Variants in PCM1 observed in about 807,000 individuals in gnomAD.
PCM1 encodes pericentriolar material 1 protein.
Under a neutral mutation model 241.9 loss-of-function variants are expected in PCM1, and 157 were observed. That is an observed-to-expected ratio of 0.65 (90% CI 0.57 to 0.74). The LOEUF is 0.74. Ranked by LOEUF, PCM1 falls within the 30% of genes least tolerant of loss-of-function variation. PCM1 has a pLI of 0.00. For missense variants in PCM1, 3,478 were observed against 2,360.1 expected (o/e 1.47, Z -9.81); for synonymous variants, 1,085 against 784.9 (o/e 1.38, Z -6.39).
chr8:17,932,251 A>G (rs2059252738), intron 2 of PCM1, among the ~76,000 whole-genome samples: 1 of 152,122 alleles, frequency 6.6e-6, no homozygotes, highest in South Asian at 2.1e-4. Flanking sequence ...CAACTTCATT[A>G]TAGTTCTTTC....
chr8:17,942,172 A>T (rs2062283194), intron 6 of PCM1, among the ~76,000 whole-genome samples: 1 of 152,090 alleles, frequency 6.6e-6, no homozygotes. Flanking sequence ...TTTGTTTCTG[A>T]TATTTGTGTT....
intron 2 of PCM1, among the ~76,000 whole-genome samples, chr8:17,933,139 C>T (rs1278328134): frequency 1.3e-5 from 2 of 152,170 alleles, no homozygotes; most frequent in African/African-American, 4.8e-5. Context: ...TGTTGTGAGG[C>T]TTTAATGACA....
intron 29 of PCM1, among the ~76,000 whole-genome samples, chr8:17,997,552 C>G (rs945631936): frequency 2.6e-5 from 4 of 151,042 alleles, no homozygotes; most frequent in African/African-American, 9.8e-5. Flanking sequence ...TTTCTTTTGT[C>G]TCCTCAAGTT....
chr8:18,014,681 T>G lies in PCM1; in HGVS notation c.5682T>G (p.Thr1894=). 1 of 1,613,886 alleles carries G rather than the reference T, an allele frequency of 6.2e-7. No homozygotes were observed. The highest frequency in any genetic ancestry group is 1.1e-5 in the South Asian group (1 of 91,080). Residue 1894 remains threonine (T), a synonymous_variant, in exon 36 of 39, where the codon ACT becomes ACG. Coordinates refer to ENST00000325083, the MANE Select transcript of PCM1 (RefSeq NM_006197.4). Reference sequence around the variant, plus strand: ...CTGCCCATAAGGAGTCACCTCCTACTGTTGATTCAACTCAACAGCCTAACC... The same window carrying G: ...CTGCCCATAAGGAGTCACCTCCTACGGTTGATTCAACTCAACAGCCTAACC... ...NSAAHKESPP[T]VDSTQQPNPL...
intron 9 of PCM1, among the ~76,000 whole-genome samples, chr8:17,953,788 C>G (rs1342264802): frequency 6.6e-6 from 1 of 152,110 alleles, no homozygotes; most frequent in Non-Finnish European, 1.5e-5. Flanking sequence ...GTCTTCAGTT[C>G]CTATCCTAAT....
intron 2 of PCM1, among the ~76,000 whole-genome samples, chr8:17,928,128 C>A (rs2057723096): frequency 6.6e-6 from 1 of 152,156 alleles, no homozygotes; most frequent in East Asian, 1.9e-4. Context: ...TGTTTTCCTA[C>A]AGTTTCAACT....
chr8:17,992,110 A>G (rs369699802), intron 28 of PCM1, among the ~76,000 whole-genome samples: 13 of 152,210 alleles, frequency 8.5e-5, no homozygotes, highest in East Asian at 5.8e-4. Context: ...CTACACATAT[A>G]TACATATACC....
At chr8:17,941,629 C>T (rs1259662741) in intron 6 of PCM1, among the ~76,000 whole-genome samples, 3 of 151,582 alleles carry the variant, frequency 2.0e-5, no homozygotes, top group Non-Finnish European at 2.9e-5. Context: ...ATTTAATATG[C>T]TACACTATTT....
At chr8:18,026,125 C>T (rs2094177766) in intron 38 of PCM1, among the ~76,000 whole-genome samples, 1 of 107,424 alleles carries the variant, frequency 9.3e-6, no homozygotes, top group Admixed American at 1.5e-4. Context: ...GATAGCGCCA[C>T]TGCACTCCGG....
chr8:17,987,746 G>T (rs1478246003), intron 26 of PCM1, among the ~76,000 whole-genome samples: 2 of 151,856 alleles, frequency 1.3e-5, no homozygotes, highest in Non-Finnish European at 3.0e-5. Flanking sequence ...TGAAGCAGCA[G>T]TGTCCAGTAG....
chr8:17,995,108 A>G (rs957096654), intron 29 of PCM1, among the ~76,000 whole-genome samples: 2 of 151,364 alleles, frequency 1.3e-5, no homozygotes, highest in South Asian at 2.1e-4. Flanking sequence ...GCCCAGACCA[A>G]TGTCCTGCAG....
At chr8:17,937,087 C>T (rs980884274) in intron 3 of PCM1, 47 bp from the exon 4 acceptor site, 1 of 1,439,780 alleles carries the variant, frequency 6.9e-7, no homozygotes, top group Non-Finnish European at 9.3e-7. Flanking sequence ...ATCTATTTTC[C>T]TGGTTTGATA....
intron 22 of PCM1, among the ~76,000 whole-genome samples, chr8:17,971,221 A>G (rs1390822794): frequency 1.3e-5 from 2 of 152,228 alleles, no homozygotes; most frequent in East Asian, 3.8e-4. Flanking sequence ...GGAAACAGGC[A>G]GCAGGCTGAA....
At chr8:18,014,936 G>A (rs376607629) in intron 36 of PCM1, 96 bp downstream of exon 36, 2 of 1,113,952 alleles carry the variant, frequency 1.8e-6, no homozygotes, top group Admixed American at 2.6e-5. Flanking sequence ...AAACCATTTT[G>A]TGTTTAGGTT....
intron 6 of PCM1, among the ~76,000 whole-genome samples, chr8:17,942,516 G>A (rs1671727738): frequency 6.6e-6 from 1 of 151,978 alleles, no homozygotes; most frequent in Non-Finnish European, 1.5e-5. Flanking sequence ...AGATTTTTTG[G>A]TTTATATTTT....
rs1019573950 is a variant in PCM1 at position 18,027,754 on chromosome 8, G to A, written c.*92G>A. The A allele has an allele frequency of 8.8e-6, 8 of 903,968 alleles. No homozygotes were observed. Among genetic ancestry groups the A allele is most frequent in the Non-Finnish European group, 1.3e-5 (8 of 609,586 alleles). 56.0% of individuals were successfully genotyped at this position (903,968 alleles called of 1,614,324 possible). On this transcript the variant is annotated 3_prime_UTR_variant, in exon 39 of 39. Transcript: ENST00000325083. The stretch of plus-strand genomic sequence containing the variant: ...ATAAACATCTGATCTGTATAAAAAT[G>A]TAAATTAGTTTGACACTGCTTTTTT...
chr8:18,011,908 A>C, intron 34 of PCM1, 81 bp downstream of exon 34: 1 of 1,226,796 alleles, frequency 8.2e-7, no homozygotes, highest in Non-Finnish European at 1.2e-6. Flanking sequence ...TTAACTAATC[A>C]AAGTAGATCC....
At chr8:17,941,049 T>G (rs1023996958) in intron 6 of PCM1, among the ~76,000 whole-genome samples, 10 of 152,196 alleles carry the variant, frequency 6.6e-5, no homozygotes, top group African/African-American at 1.9e-4. Flanking sequence ...CGGACCTTCC[T>G]AATTTGAAGA....
intron 6 of PCM1, among the ~76,000 whole-genome samples, chr8:17,945,907 CAAA>C (rs1185227338): frequency 1.3e-5 from 2 of 151,938 alleles, no homozygotes; most frequent in Non-Finnish European, 2.9e-5. Flanking sequence ...CTAAGTGAAA[CAAA>C]AGTGAAATAT....
Sources: gnomAD v4.1 joint callset for allele counts (sites outside exome capture counted in the v4.1 genomes callset) on GRCh38, gnomAD v4.1.1 for gene constraint, MANE v1.5 for transcripts, NCBI Gene and HGNC (gene_info 2026-07-23, HGNC 2026-07-21) for gene names.